Variants in ANO4 observed in about 807,000 individuals in gnomAD.
ANO4 encodes the protein anoctamin 4, also known as anoctamin-4.
Under a neutral mutation model 141.9 loss-of-function variants are expected in ANO4, and 69 were observed. That is an observed-to-expected ratio of 0.49 (90% confidence interval 0.40 to 0.59). ANO4 has a LOEUF of 0.59. Among genes scored for constraint, ANO4 ranks in the 20% least tolerant of loss-of-function variants. ANO4 has a pLI of 0.00. For missense variants in ANO4, 894 were observed against 1,162.2 expected, an observed-to-expected ratio of 0.77 and a Z score of 3.36; for synonymous variants, 350 against 394.3, an observed-to-expected ratio of 0.89 and a Z score of 1.33.
chr12:100,781,985 G>A (rs2033724801), intron 3 of ANO4, among the ~76,000 whole-genome samples: 2 of 152,142 alleles, frequency 1.3e-5, no homozygotes, highest in African/African-American at 4.8e-5. Flanking sequence ...AGTCTCATTG[G>A]CAATCTGGAA....
chr12:101,115,235 T>C (rs926177893), intron 24 of ANO4, among the ~76,000 whole-genome samples: 3 of 152,206 alleles, frequency 2.0e-5, no homozygotes, highest in African/African-American at 7.2e-5. Context: ...ATGCTATACA[T>C]TCATTGTTTA....
chr12:101,094,468 T>C (rs984709757), intron 18 of ANO4, among the ~76,000 whole-genome samples, 176 bp downstream of exon 18: 4 of 152,212 alleles, frequency 2.6e-5, no homozygotes, highest in African/African-American at 7.2e-5. Context: ...AATTTTTCTA[T>C]ATAAATCTTT....
chr12:100,898,438 C>T (rs548317011), intron 1 of ANO4, among the ~76,000 whole-genome samples: 3 of 152,082 alleles, frequency 2.0e-5, no homozygotes, highest in Non-Finnish European at 1.5e-5. Flanking sequence ...CTTTGAGGAC[C>T]CTTAATTCCT....
At chr12:100,734,841 A>G (rs2031538054) in intron 2 of ANO4, among the ~76,000 whole-genome samples, 1 of 152,262 alleles carries the variant, frequency 6.6e-6, no homozygotes, top group Non-Finnish European at 1.5e-5. Flanking sequence ...ATAGAACTAT[A>G]TATAGACACC....
chr12:101,062,008 C>T (rs749205045), intron 14 of ANO4, among the ~76,000 whole-genome samples: 11 of 152,248 alleles, frequency 7.2e-5, no homozygotes, highest in Non-Finnish European at 1.3e-4. Flanking sequence ...TTTTCCTCAT[C>T]TTCGTGGATT....
At chr12:100,727,594 T>A (rs928675551) in intron 1 of ANO4, among the ~76,000 whole-genome samples, 1 of 150,630 alleles carries the variant, frequency 6.6e-6, no homozygotes, top group African/African-American at 2.5e-5. Context: ...CAGCATTTAG[T>A]TTTTTTTGGT....
chr12:101,018,937 AAACATTTGACG>A (rs2046411992), intron 8 of ANO4, among the ~76,000 whole-genome samples: 2 of 152,230 alleles, frequency 1.3e-5, no homozygotes, highest in South Asian at 4.1e-4. Flanking sequence ...TATCCTCAGT[AAACATTTGACG>A]AACAAATGAA....
chr12:101,076,438 T>G (rs776019551), intron 14 of ANO4, among the ~76,000 whole-genome samples: 12 of 152,142 alleles, frequency 7.9e-5, no homozygotes, highest in Non-Finnish European at 1.3e-4. Flanking sequence ...GCTACCCAGT[T>G]TATGGTATTT....
At chr12:100,976,976 C>T (rs1182430240) in intron 7 of ANO4, among the ~76,000 whole-genome samples, 2 of 152,110 alleles carry the variant, frequency 1.3e-5, no homozygotes, top group African/African-American at 2.4e-5. Context: ...ACATTGGGGT[C>T]ATAAAACCTA....
chr12:100,828,504 A>G (rs1198613343), intron 1 of ANO4, among the ~76,000 whole-genome samples: 1 of 152,110 alleles, frequency 6.6e-6, no homozygotes, highest in African/African-American at 2.4e-5. Context: ...ATGATTTTCA[A>G]AATGACTAGT....
At chr12:100,938,581 T>A (rs1267515330) in intron 3 of ANO4, among the ~76,000 whole-genome samples, 1 of 152,188 alleles carries the variant, frequency 6.6e-6, no homozygotes, top group Non-Finnish European at 1.5e-5. Flanking sequence ...ATATCTTTCC[T>A]CTGCTGGTGA....
chr12:100,820,274 G>A (rs902042395), intron 1 of ANO4, among the ~76,000 whole-genome samples: 8 of 149,508 alleles, frequency 5.4e-5, no homozygotes, highest in Non-Finnish European at 1.2e-4. Context: ...TTATTACCAA[G>A]TAAACTCTTT....
chr12:100,809,681 C>CA (rs1278171122), intron 1 of ANO4, among the ~76,000 whole-genome samples: 1 of 152,166 alleles, frequency 6.6e-6, no homozygotes, highest in African/African-American at 2.4e-5. Context: ...TGCCAGATCT[C>CA]AAAGGCTTTA....
rs1713184095 is a variant in ANO4, at chr12:100,944,625, C to CGGA, written c.456+2091_456+2092insGAG. On this transcript the variant is annotated intron_variant, in intron 5 of 27. Transcript: ENST00000392977. Reference sequence around the variant, plus strand: ...AACCTTCTTCACAAGTGACCTCTCCCGCTGCCTGGCTCGAGTCTTGCCCTG... The same window carrying CGGA: ...AACCTTCTTCACAAGTGACCTCTCCCGGAGCTGCCTGGCTCGAGTCTTGCCCTG... Among the ~76,000 whole-genome samples the CGGA allele has an allele frequency of 3.3e-5, 5 of 152,202 alleles. No homozygotes were observed. In the South Asian group the frequency reaches 1.0e-3, roughly 32 times the overall value.
rs1417746366 is a variant in ANO4, at chr12:101,039,884, T to TA, written c.898-70dup. 12 of 1,525,700 alleles carry TA rather than the reference T, an allele frequency of 7.9e-6. No homozygotes were observed. The East Asian group carries it at 2.7e-4, about 35-fold the overall frequency. The allele number at this position is 1,525,700 out of a possible 1,614,324, so 94.5% of individuals were successfully genotyped here. A position where few individuals can be genotyped will look rare whatever the true frequency, so the allele number is the denominator to read the frequency against. On this transcript the variant is annotated intron_variant, in intron 10 of 27. Transcript: ENST00000392977. ...ATCACAACACCTGCTGTAAGACACT[T>TA]ACATTACCATCAGCATTTCCTTGTG... is the stretch of plus-strand genomic sequence containing the variant.
chr12:101,119,082 G>A (rs189899334), intron 25 of ANO4, among the ~76,000 whole-genome samples: 55 of 152,126 alleles, frequency 3.6e-4, no homozygotes, highest in African/African-American at 1.2e-3. Flanking sequence ...ATTCCATGGT[G>A]TATCTGTGCC....
At chr12:101,123,381 T>C (rs1315903294) in intron 26 of ANO4, among the ~76,000 whole-genome samples, 2 of 152,194 alleles carry the variant, frequency 1.3e-5, no homozygotes, top group African/African-American at 4.8e-5. Flanking sequence ...GGTAAATGTG[T>C]GCCACGGTCA....
At chr12:100,806,523 C>CTTTCTTTTTTTTTTT (rs1593379234) in intron 1 of ANO4, among the ~76,000 whole-genome samples, 1 of 44,956 alleles carries the variant, frequency 2.2e-5, no homozygotes, top group Admixed American at 3.1e-4. Flanking sequence ...TTTTTTGTTT[C>CTTTCTTTTTTTTTTT]GTTTTTTTTT....
At chr12:101,016,969 T>C (rs556812523) in intron 8 of ANO4, among the ~76,000 whole-genome samples, 1 of 152,332 alleles carries the variant, frequency 6.6e-6, no homozygotes, top group African/African-American at 2.4e-5. Context: ...TCTGTCTGAC[T>C]GCAGAGTATT....
Sources: gnomAD v4.1 joint callset for allele counts (sites outside exome capture counted in the v4.1 genomes callset) on GRCh38, gnomAD v4.1.1 for gene constraint, MANE v1.5 for transcripts, NCBI Gene and HGNC (gene_info 2026-07-23, HGNC 2026-07-21) for gene names.